ZNF83: variants seen among roughly 807,000 people sequenced by gnomAD.
ZNF83 encodes the protein zinc finger protein 816B.
For synonymous variants in ZNF83, 209 were observed against 213.0 expected (o/e 0.98, Z 0.17); for missense variants, 552 against 629.9 (o/e 0.88, Z 1.32).
At chr19:52,617,705 T>G (rs1273202750) in intron 2 of ZNF83, 1 of 130,020 alleles carries the variant, frequency 7.7e-6, no homozygotes, top group Admixed American at 9.6e-5. Flanking sequence ...CACTCCAGCC[T>G]GGGCAACAGA....
chr19:52,613,333 C>A (rs1179791513), exon 3 of ZNF83: 1 of 1,614,096 alleles, frequency 6.2e-7, no homozygotes, highest in Non-Finnish European at 8.5e-7. Flanking sequence ...TGAATTTTGA[C>A]TGAAGACTTT....
rs545180380 is a variant in ZNF83 at position 52,684,241 on chromosome 19, C to T, written c.-283+6202G>A. On this transcript the variant is annotated intron_variant, in intron 1 of 5. Coordinates refer to the ZNF83 transcript ENST00000594682. ...AAAAGTAGCCTGGCTTGGTGGGCAT[C>T]TGTAATCCCAGCTACTCGGGAGGCT... 2.6e-5 allele frequency among the ~76,000 whole-genome samples: 4 copies of T among 152,154 alleles called. No homozygotes were observed. In the South Asian group the frequency reaches 8.3e-4, roughly 32 times the overall value.
chr19:52,619,044 C>G, intron 2 of ZNF83: 1 of 1,612,706 alleles, frequency 6.2e-7, no homozygotes, highest in Non-Finnish European at 8.5e-7. Flanking sequence ...ATGGCCACAT[C>G]CCTGAATGTC....
chr19:52,682,818 G>C (rs114445064), intron 1 of ZNF83, among the ~76,000 whole-genome samples: 3,111 of 152,266 alleles, frequency 0.02, 95 homozygotes, highest in African/African-American at 0.07. Flanking sequence ...CTGTAAACTA[G>C]AATTTTGCCA....
chr19:52,613,248 A>G, exon 3 of ZNF83: 1 of 1,613,926 alleles, frequency 6.2e-7, no homozygotes, highest in East Asian at 2.2e-5. Context: ...ATGAGTTTAG[A>G]CCGAAGACCT....
intron 1 of ZNF83, among the ~76,000 whole-genome samples, chr19:52,661,774 G>A (rs2061583660): frequency 6.6e-6 from 1 of 152,146 alleles, no homozygotes; most frequent in African/African-American, 2.4e-5. Flanking sequence ...AGGTAACATG[G>A]ACCAGAGGTG....
chr19:52,642,261 CTTTTTTTTTT>C (rs869173970), upstream of ZNF83, among the ~76,000 whole-genome samples: 13 of 47,864 alleles, frequency 2.7e-4, no homozygotes, highest in Admixed American at 1.8e-3. Flanking sequence ...AGTATTGTAG[CTTTTTTTTTT>C]TTTTTTTTTT....
chr19:52,638,992 C>A (rs2061246423), upstream of ZNF83, among the ~76,000 whole-genome samples: 1 of 152,184 alleles, frequency 6.6e-6, no homozygotes, highest in Admixed American at 6.5e-5. Flanking sequence ...TCTCTCTTTT[C>A]TTTTTTATAA....
intron 1 of ZNF83, among the ~76,000 whole-genome samples, chr19:52,675,856 AGG>A (rs1418914626): frequency 4.6e-5 from 7 of 152,220 alleles, no homozygotes; most frequent in East Asian, 1.9e-4. Context: ...TATTGACCAG[AGG>A]TTAACTATAC....
chr19:52,680,779 A>AT (rs369835472), intron 1 of ZNF83, among the ~76,000 whole-genome samples: 7 of 145,362 alleles, frequency 4.8e-5, no homozygotes, highest in Middle Eastern at 3.5e-3. Context: ...CGCCCGGCTA[A>AT]TTTTTTGTAT....
chr19:52,643,120 G>A (rs886460763), upstream of ZNF83, among the ~76,000 whole-genome samples: 6 of 152,138 alleles, frequency 3.9e-5, no homozygotes, highest in African/African-American at 1.4e-4. Context: ...GGAGGTTGTA[G>A]TGAGCCGAAA....
chr19:52,669,701 C>T (rs758706817), intron 1 of ZNF83, among the ~76,000 whole-genome samples: 1 of 152,074 alleles, frequency 6.6e-6, no homozygotes, highest in South Asian at 2.1e-4. Flanking sequence ...AAAAGTGGTT[C>T]GGTAGATGGA....
At chr19:52,638,038 G>A (rs1188831514) in intron 1 of ZNF83, among the ~76,000 whole-genome samples, 3 of 152,176 alleles carry the variant, frequency 2.0e-5, no homozygotes, top group Admixed American at 1.3e-4. Flanking sequence ...AAAAAGCGAG[G>A]GGCGGGAGGA....
intron 3 of ZNF83, among the ~76,000 whole-genome samples, chr19:52,648,522 T>C (rs12986098): frequency 0.27 from 40,494 of 152,110 alleles, 5,660 homozygotes; most frequent in Middle Eastern, 0.35. Flanking sequence ...CTCTTAAGCA[T>C]GACTATGTTT....
intron 2 of ZNF83, among the ~76,000 whole-genome samples, chr19:52,628,120 G>A (rs572901336): frequency 6.6e-6 from 1 of 152,186 alleles, no homozygotes; most frequent in Admixed American, 6.5e-5. Context: ...CAGCCCACCT[G>A]CACCCAGGTG....
chr19:52,628,329 T>C (rs1391626482), intron 2 of ZNF83, among the ~76,000 whole-genome samples: 1 of 152,140 alleles, frequency 6.6e-6, no homozygotes, highest in Admixed American at 6.5e-5. Flanking sequence ...ATCTCACCAA[T>C]TTCAAATCCG....
intron 1 of ZNF83, chr19:52,635,962 A>G (rs897965542): frequency 6.8e-6 from 1 of 147,034 alleles, no homozygotes; most frequent in African/African-American, 2.6e-5. Context: ...ACTGCACTCC[A>G]GCCTGGGAAA....
chr19:52,673,038 A>G (rs1354409982), intron 1 of ZNF83, among the ~76,000 whole-genome samples: 1 of 151,800 alleles, frequency 6.6e-6, no homozygotes, highest in African/African-American at 2.4e-5. Flanking sequence ...GCTCAAACCT[A>G]TAAGCCCTGT....
At chr19:52,650,003 A>G (rs1381980874) in intron 3 of ZNF83, among the ~76,000 whole-genome samples, 1 of 152,120 alleles carries the variant, frequency 6.6e-6, no homozygotes, top group African/African-American at 2.4e-5. Flanking sequence ...AAAGACAGGT[A>G]AAAAGGGAAA....
Sources: allele counts gnomAD v4.1 joint callset (sites outside exome capture counted in the v4.1 genomes callset), GRCh38; gene constraint gnomAD v4.1.1; transcripts MANE v1.5; gene names NCBI Gene and HGNC (gene_info 2026-07-23, HGNC 2026-07-21).